Variants in F5 observed in about 807,000 individuals in gnomAD.
The protein encoded by F5 is activated protein c cofactor.
Under a neutral mutation model 216.4 loss-of-function variants are expected in F5, and 138 were observed. That is an observed-to-expected ratio of 0.64 (90% CI 0.56 to 0.73). The LOEUF is 0.73. F5 is among the 30% of genes least tolerant of loss of function. The pLI, the probability that F5 is intolerant of heterozygous loss-of-function variation, is 0.00. For synonymous variants in F5, 916 were observed against 930.7 expected (o/e 0.98, Z 0.29); for missense variants, 2,403 against 2,674.0 (o/e 0.90, Z 2.24).
At position 169,520,764 on chromosome 1, in the gene F5, A is replaced by T; in HGVS notation, c.6049-100T>A. 3 of 980,348 alleles carry T rather than the reference A, an allele frequency of 3.1e-6. No homozygotes were observed. The South Asian group carries it at 4.3e-5, about 14-fold the overall frequency. 60.7% of individuals were successfully genotyped at this position (980,348 alleles called of 1,614,324 possible). ...TTTAATATTGTAATACTACATTTTC[A>T]TGGGGTCCAAACTAAATCAATTTGG... is the stretch of plus-strand genomic sequence containing the variant. On this transcript the variant is annotated intron_variant, in intron 21 of 24. Coordinates refer to ENST00000367797, the MANE Select transcript of F5 (RefSeq NM_000130.5).
chr1:169,524,888 G>A lies in F5; in HGVS notation c.5737C>T (p.Leu1913=). 3.7e-6 allele frequency: 6 copies of A among 1,613,444 alleles called. No homozygotes were observed. The highest frequency in any genetic ancestry group is 2.2e-5 in the South Asian group (2 of 91,072). The change falls in exon 19 of 25, where the codon CTA becomes TTA. Residue 1913 remains leucine, a synonymous_variant. Transcript: ENST00000367797. ...MDRDCRMPMG[L]STGIISDSQI... is the part of the protein sequence containing the mutation. ...GAATCAGATATGATACCAGTGCTTA[G>A]TCCCATTGGCATCCTACAGTCTATG...
At chr1:169,528,318 G>A (rs1405410845) in intron 16 of F5, among the ~76,000 whole-genome samples, 1 of 152,126 alleles carries the variant, frequency 6.6e-6, no homozygotes, top group Non-Finnish European at 1.5e-5. Context: ...ACAGCAGAAG[G>A]CAGGGGGAAC....
chr1:169,559,445 A>G (rs1231539848), intron 4 of F5, 149 bp from the exon 5 acceptor site: 1 of 832,650 alleles, frequency 1.2e-6, no homozygotes, highest in African/African-American at 1.7e-5. Context: ...ATATTTATCA[A>G]GTAATAATGG....
At chr1:169,550,296 C>CCG (rs1660136183) in intron 9 of F5, among the ~76,000 whole-genome samples, 2 of 137,358 alleles carry the variant, frequency 1.5e-5, no homozygotes, top group Non-Finnish European at 3.2e-5. Context: ...CCACCCCCCC[C>CCG]CCCCGACAGG....
In F5 at chr1:169,583,296, G is replaced by A. The variant is rs1661028492; in HGVS notation, c.159-774C>T. Among the ~76,000 whole-genome samples the A allele has an allele frequency of 2.0e-5, 3 of 152,220 alleles. No homozygotes were observed. In the South Asian group the frequency reaches 6.2e-4, roughly 31 times the overall value. On this transcript the variant is annotated intron_variant, in intron 1 of 24. Coordinates refer to ENST00000367797, the MANE Select transcript of F5 (RefSeq NM_000130.5). ...AGGGTAAAAGGAAAGAGAATTTGGAGAAAATACCTTGCAAATGTCTAAATC... is the reference window on the plus strand; with the variant it reads ...AGGGTAAAAGGAAAGAGAATTTGGAAAAAATACCTTGCAAATGTCTAAATC...
Position 169,560,654 on chromosome 1 carries a change from A to G in F5, c.486T>C (p.His162=). The G allele has an allele frequency of 6.2e-7, 1 of 1,613,806 alleles. No individual in the cohort carries two copies. Among genetic ancestry groups the G allele is most frequent in the Non-Finnish European group, 8.5e-7 (1 of 1,179,816 alleles). ...TGTGTGTGAGGCATGGAGGGTCATC[A>G]TGGGTGGGTCCACTGTCCTCACTGA... is the stretch of plus-strand genomic sequence containing the variant. ...WSISEDSGPT[H]DDPPCLTHIY... The change falls in exon 4 of 25, where the codon CAT becomes CAC. Residue 162 remains histidine, a synonymous_variant. Transcript: ENST00000367797.
chr1:169,562,316 G>T (rs1557927209), intron 3 of F5, among the ~76,000 whole-genome samples: 1 of 151,970 alleles, frequency 6.6e-6, no homozygotes, highest in African/African-American at 2.4e-5. Context: ...AGTGTTAGCT[G>T]GTATGGTATA....
intron 3 of F5, among the ~76,000 whole-genome samples, chr1:169,570,274 C>T (rs1473191494): frequency 6.6e-6 from 1 of 152,094 alleles, no homozygotes; most frequent in African/African-American, 2.4e-5. Context: ...ATTCACTGTG[C>T]AAACAGCCCA....
intron 23 of F5, among the ~76,000 whole-genome samples, chr1:169,517,783 A>G (rs746848311): frequency 2.6e-5 from 4 of 152,162 alleles, no homozygotes; most frequent in Non-Finnish European, 4.4e-5. Flanking sequence ...GCCTCAAGGA[A>G]TATCACAAAG....
intron 3 of F5, among the ~76,000 whole-genome samples, chr1:169,571,452 A>C (rs1272320210): frequency 1.3e-5 from 2 of 152,178 alleles, no homozygotes; most frequent in Non-Finnish European, 2.9e-5. Flanking sequence ...GTAGAATCAG[A>C]AATGATAAAG....
chr1:169,586,350 C>T lies in F5; in HGVS notation c.37G>A (p.Val13Ile). 1 of 1,613,990 alleles carries T rather than the reference C, an allele frequency of 6.2e-7. No individual in the cohort carries two copies. Among genetic ancestry groups the T allele is most frequent in the Non-Finnish European group, 8.5e-7 (1 of 1,180,010 alleles). Reference sequence around the variant, plus strand: ...CAGCCTACCCAGCTGGTGCCCAAGACCACCAGGACCCAGAGGCGTGGGCAG... The same window carrying T: ...CAGCCTACCCAGCTGGTGCCCAAGATCACCAGGACCCAGAGGCGTGGGCAG... The part of the protein sequence containing the change: ...PGCPRLWVLV[V>I]LGTSWVGWGS... The change falls in exon 1 of 25, where the codon GTC becomes ATC. Residue 13 changes from valine (V) to isoleucine (I), a missense_variant. By Grantham distance (29) the Val-to-Ile change is conservative (BLOSUM62 3). Around this residue, in one of 4 missense-constraint regions of F5, gnomAD observed 1,425 missense variants for 1,554.8 expected, o/e 0.92. Transcript: ENST00000367797.
intron 3 of F5, among the ~76,000 whole-genome samples, chr1:169,562,201 C>T (rs1393845822): frequency 6.6e-6 from 1 of 152,104 alleles, no homozygotes; most frequent in African/African-American, 2.4e-5. Flanking sequence ...AGCCAATGCC[C>T]TCTGGGCCCA....
intron 17 of F5, among the ~76,000 whole-genome samples, chr1:169,527,505 C>A (rs1659486363): frequency 6.6e-6 from 1 of 151,940 alleles, no homozygotes; most frequent in East Asian, 1.9e-4. Context: ...AGTCACTTGC[C>A]CAAAGATATT....
Position 169,572,271 on chromosome 1 carries a change from T to C in F5, c.323A>G (p.Lys108Arg), listed in dbSNP as rs754584124. ...TCCTTGAGGATGGATGCTCAAGGGC[T>C]TATCTGCCTTATTTTTAAAGTGAAC... ...IKVHFKNKAD[K>R]PLSIHPQGIR... The change falls in exon 3 of 25, where the codon AAG (lysine) becomes AGG (arginine). Residue 108 changes from lysine (K) to arginine (R), a missense_variant. This residue lies in a region of F5 where 1,425 missense variants were observed against 1,554.8 expected (regional missense o/e 0.92). Coordinates refer to ENST00000367797, the MANE Select transcript of F5 (RefSeq NM_000130.5). The C allele has an allele frequency of 3.7e-6, 6 of 1,613,298 alleles. No homozygotes were observed. Among genetic ancestry groups the C allele is most frequent in the Non-Finnish European group, 5.1e-6 (6 of 1,179,622 alleles).
chr1:169,550,274 T>TCCTCCCCCCCCC (rs1660132610), intron 9 of F5, among the ~76,000 whole-genome samples: 1 of 36,240 alleles, frequency 2.8e-5, no homozygotes, highest in Non-Finnish European at 5.4e-5. Context: ...ATGCTATCCC[T>TCCTCCCCCCCCC]CCCCCCGCCC....
rs919833848 is a variant in F5 at position 169,556,497 on chromosome 1, A to G, written c.952+149T>C. The G allele has an allele frequency of 2.5e-5, 17 of 669,106 alleles. No individual in the cohort carries two copies. The East Asian group carries it at 4.1e-4, about 16-fold the overall frequency. The allele number at this position is 669,106 out of a possible 1,614,324, so 41.4% of individuals were successfully genotyped here. A position where few individuals can be genotyped will look rare whatever the true frequency, so the allele number is the denominator to read the frequency against. Reference sequence around the variant, plus strand: ...CCAAAGAGCAAGTTATAAATCTAAGAGCAAAATATCTAAGTTTGGTTGTTA... The same window carrying G: ...CCAAAGAGCAAGTTATAAATCTAAGGGCAAAATATCTAAGTTTGGTTGTTA... On this transcript the variant is annotated intron_variant, in intron 6 of 24. Transcript: ENST00000367797.
At chr1:169,578,348 C>A (rs1660910309) in intron 2 of F5, among the ~76,000 whole-genome samples, 1 of 152,210 alleles carries the variant, frequency 6.6e-6, no homozygotes, top group Non-Finnish European at 1.5e-5. Flanking sequence ...CTACCTCTAA[C>A]AAGGTTAAAT....
chr1:169,550,561 G>A (rs1039507506), intron 9 of F5, 79 bp downstream of exon 9: 11 of 1,061,758 alleles, frequency 1.0e-5, no homozygotes, highest in Middle Eastern at 2.0e-4. Context: ...TGACACCACC[G>A]GGCAAGGAGA....
At chr1:169,522,973 A>T (rs1659345720) in intron 21 of F5, among the ~76,000 whole-genome samples, 1 of 152,038 alleles carries the variant, frequency 6.6e-6, no homozygotes, top group Non-Finnish European at 1.5e-5. Flanking sequence ...GATTTTTTAA[A>T]GTTTTGTGGG....
Sources: allele counts gnomAD v4.1 joint callset (sites outside exome capture counted in the v4.1 genomes callset), GRCh38; gene constraint gnomAD v4.1.1; regional missense constraint gnomAD v4.1.1; transcripts MANE v1.5; gene names NCBI Gene and HGNC (gene_info 2026-07-23, HGNC 2026-07-21).